Variants in ST14 observed in about 807,000 individuals in gnomAD.
The protein encoded by ST14 is ST14 transmembrane serine protease matriptase.
Under a neutral mutation model 96.5 loss-of-function variants are expected in ST14, and 40 were observed. The observed-to-expected ratio is 0.41, with a 90% CI of 0.32 to 0.54. The LOEUF is 0.54. Among genes scored for constraint, ST14 ranks in the 20% least tolerant of loss-of-function variants. The probability of loss-of-function intolerance (pLI) is 0.17; values close to 1 mark genes in which losing one functional copy is unlikely to be tolerated. For missense variants in ST14, 1,066 were observed against 1,188.9 expected, an observed-to-expected ratio of 0.90 and a Z score of 1.52; for synonymous variants, 506 against 492.1, an observed-to-expected ratio of 1.03 and a Z score of -0.37.
At chr11:130,173,491 G>T (rs1278036033) in intron 1 of ST14, among the ~76,000 whole-genome samples, 2 of 152,012 alleles carry the variant, frequency 1.3e-5, no homozygotes, top group East Asian at 3.9e-4. Context: ...AGCTACTCGG[G>T]AGGCTGAGGC....
At position 130,187,501 on chromosome 11, in the gene ST14, G is replaced by A. The variant is rs1005974732; in HGVS notation, c.82-613G>A. Reference sequence around the variant, plus strand: ...GAGGTCCTGGACTGGGGCTCCCAAGGTTAAACACAGAGCAGTTTTTTCCAT... The same window carrying A: ...GAGGTCCTGGACTGGGGCTCCCAAGATTAAACACAGAGCAGTTTTTTCCAT... On this transcript the variant is annotated intron_variant, in intron 1 of 18. Coordinates refer to ENST00000278742, the MANE Select transcript of ST14 (RefSeq NM_021978.4). The surrounding 1 kb of genome is among the most constrained non-coding windows in gnomAD (Gnocchi z 4.5). Among the ~76,000 whole-genome samples, 1 of 152,168 alleles carries A rather than the reference G, an allele frequency of 6.6e-6. No individual in the cohort carries two copies. The highest frequency in any genetic ancestry group is 2.4e-5 in the African/African-American group (1 of 41,422).
At chr11:130,189,943 T>A (rs754287240) in intron 5 of ST14, 47 bp downstream of exon 5, 1 of 1,613,088 alleles carries the variant, frequency 6.2e-7, no homozygotes, top group Non-Finnish European at 8.5e-7. Context: ...CAGCCTTCCA[T>A]GGAGTGGGGC....
In ST14 at chr11:130,188,820, C is replaced by A; in HGVS notation, c.370-49C>A. On this transcript the variant is annotated intron_variant, in intron 3 of 18. Coordinates refer to ENST00000278742, the MANE Select transcript of ST14 (RefSeq NM_021978.4). The surrounding 1 kb of genome is among the most constrained non-coding windows in gnomAD (Gnocchi z 5.4). The stretch of plus-strand genomic sequence containing the variant: ...GGGAGGGAGCAGCCCGGGCTTGGGG[C>A]AGGGTCATCGCCGCATGGGGCTCAC... The A allele has an allele frequency of 6.2e-7, 1 of 1,605,138 alleles. No homozygotes were observed. The highest frequency in any genetic ancestry group is 8.5e-7 in the Non-Finnish European group (1 of 1,175,134).
At position 130,188,497 on chromosome 11, in the gene ST14, TC is replaced by T. The variant is rs1426417778; in HGVS notation, c.242-29del. 4.4e-6 allele frequency: 7 copies of T among 1,607,194 alleles called. No individual in the cohort carries two copies. The highest frequency in any genetic ancestry group is 5.9e-6 in the Non-Finnish European group (7 of 1,177,738). ...AGGGACAGGCGGGGGTGGTACCACC[TC>T]CCCTGACTGAGCGCCTTCTGGTCTC... On this transcript the variant is annotated intron_variant, in intron 2 of 18. Transcript: ENST00000278742. The surrounding 1 kb of genome is among the most constrained non-coding windows in gnomAD (Gnocchi z 5.4).
At chr11:130,163,095 A>G (rs893316470) in intron 1 of ST14, among the ~76,000 whole-genome samples, 3 of 152,076 alleles carry the variant, frequency 2.0e-5, no homozygotes, top group Non-Finnish European at 4.4e-5. Context: ...TTTGAGTTGA[A>G]AGGGACTTGA....
intron 1 of ST14, among the ~76,000 whole-genome samples, chr11:130,183,060 G>A (rs1037430555): frequency 2.0e-5 from 3 of 151,574 alleles, no homozygotes; most frequent in Admixed American, 6.6e-5. Context: ...GGGTTCAAGC[G>A]ACTCTCCTGC....
chr11:130,209,583 C>A lies in ST14; in HGVS notation c.2406+5C>A. ...GGCGGCGTGGACTCCTGCCAGGTGG[C>A]CCCCGGGGCAGGAGGGCGGCAGGTG... On this transcript the variant is annotated splice_donor_5th_base_variant and intron_variant, in intron 18 of 18. Transcript: ENST00000278742. 1 of 1,578,786 alleles carries A rather than the reference C, an allele frequency of 6.3e-7. No homozygotes were observed. The highest frequency in any genetic ancestry group is 8.6e-7 in the Non-Finnish European group (1 of 1,162,686).
chr11:130,204,309 G>A (rs772666735), intron 16 of ST14, among the ~76,000 whole-genome samples: 2 of 152,186 alleles, frequency 1.3e-5, no homozygotes, highest in African/African-American at 4.8e-5. Context: ...AACGCAGAAG[G>A]CCTGGGTGGG....
intron 16 of ST14, among the ~76,000 whole-genome samples, chr11:130,200,463 G>A (rs1188060260): frequency 1.3e-5 from 2 of 152,246 alleles, no homozygotes; most frequent in East Asian, 1.9e-4. Context: ...GAGAGCAGGA[G>A]GAGGTCCTAG....
At chr11:130,172,137 C>T (rs1233979450) in intron 1 of ST14, among the ~76,000 whole-genome samples, 3 of 151,564 alleles carry the variant, frequency 2.0e-5, no homozygotes, top group Non-Finnish European at 2.9e-5. Context: ...TTTTTTGAGA[C>T]AGGGTCTCGC....
At chr11:130,179,291 C>A (rs1307232069) in intron 1 of ST14, among the ~76,000 whole-genome samples, 1 of 152,198 alleles carries the variant, frequency 6.6e-6, no homozygotes, top group East Asian at 1.9e-4. Flanking sequence ...TGTTATTGTT[C>A]TTTTTCATGA....
intron 7 of ST14, among the ~76,000 whole-genome samples, chr11:130,193,150 G>A (rs918454950): frequency 6.0e-5 from 9 of 151,096 alleles, no homozygotes; most frequent in African/African-American, 7.3e-5. Flanking sequence ...GTGCAGTGGC[G>A]CAATCATAGC....
chr11:130,162,013 T>C (rs1266664398), intron 1 of ST14, among the ~76,000 whole-genome samples: 4 of 152,138 alleles, frequency 2.6e-5, no homozygotes, highest in African/African-American at 9.7e-5. Flanking sequence ...CACCCTGTAG[T>C]GTGTGTTTGC....
chr11:130,183,519 C>CA (rs1333499027), intron 1 of ST14, among the ~76,000 whole-genome samples: 4 of 140,336 alleles, frequency 2.9e-5, no homozygotes, highest in Non-Finnish European at 6.1e-5. Context: ...CCAGCCTGGG[C>CA]AACATAGCAA....
chr11:130,162,716 T>A (rs1461460034), intron 1 of ST14, among the ~76,000 whole-genome samples: 1 of 152,222 alleles, frequency 6.6e-6, no homozygotes, highest in African/African-American at 2.4e-5. Flanking sequence ...CCCCTGTCCT[T>A]GGGACCACCC....
chr11:130,175,560 T>G (rs1481081260), intron 1 of ST14, among the ~76,000 whole-genome samples: 2 of 151,578 alleles, frequency 1.3e-5, no homozygotes, highest in Non-Finnish European at 2.9e-5. Context: ...TTTGTATTTT[T>G]AGTAGAGACG....
Position 130,208,575 on chromosome 11 carries a change from G to C in ST14, c.2160G>C (p.Pro720=), listed in dbSNP as rs151333132. 1 of 1,614,180 alleles carries C rather than the reference G, an allele frequency of 6.2e-7. No individual in the cohort carries two copies. ...TCGCGCTGCTGGAGCTGGAGAAACC[G>C]GCAGAGTACAGCTCCATGGTGCGGC... ...YDIALLELEK[P]AEYSSMVRPI... Residue 720 remains proline (P), a synonymous_variant, in exon 17 of 19, where the codon CCG becomes CCC. Transcript: ENST00000278742.
At chr11:130,169,973 G>T (rs182233505) in intron 1 of ST14, among the ~76,000 whole-genome samples, 2 of 152,312 alleles carry the variant, frequency 1.3e-5, no homozygotes, top group African/African-American at 2.4e-5. Context: ...GGAAGGTGGG[G>T]CAGCTGGGCC....
At position 130,208,634 on chromosome 11, in the gene ST14, C is replaced by G. The variant is rs757752489; in HGVS notation, c.2219C>G (p.Pro740Arg). 9.9e-6 allele frequency: 16 copies of G among 1,613,920 alleles called. No homozygotes were observed. The Admixed American group carries it at 1.5e-4, about 15-fold the overall frequency. ...CTGCCGGACGCCTCCCATGTCTTCC[C>G]TGCCGGCAAGGCCATCTGGGTCACG... ...ICLPDASHVF[P>R]AGKAIWVTGW... Residue 740 changes from proline to arginine, a missense_variant, in exon 17 of 19, where the codon CCT (proline) becomes CGT (arginine). Physicochemically the swap from Pro to Arg is moderately radical, Grantham distance 103. Transcript: ENST00000278742.
Sources: gnomAD v4.1 joint callset for allele counts (sites outside exome capture counted in the v4.1 genomes callset) on GRCh38, gnomAD v4.1.1 for gene constraint, Gnocchi (gnomAD v3.1) non-coding constraint, MANE v1.5 for transcripts, NCBI Gene and HGNC (gene_info 2026-07-23, HGNC 2026-07-21) for gene names.